Variants in DZIP3 observed in about 807,000 individuals in gnomAD.
The protein encoded by DZIP3 is E3 ubiquitin-protein ligase DZIP3.
Under a neutral mutation model 162.0 loss-of-function variants are expected in DZIP3, and 118 were observed. The observed-to-expected ratio is 0.73, with a 90% confidence interval of 0.63 to 0.85. The LOEUF (loss-of-function observed/expected upper bound fraction) is 0.85, where lower values mean the gene tolerates loss of function less well. Ranked by LOEUF, DZIP3 falls within the 40% of genes least tolerant of loss-of-function variation. The pLI is 0.00. For missense variants in DZIP3, 1,331 were observed against 1,407.0 expected, an observed-to-expected ratio of 0.95 and a Z score of 0.86; for synonymous variants, 438 against 458.6, an observed-to-expected ratio of 0.96 and a Z score of 0.57.
At chr3:108,648,778 T>C in intron 16 of DZIP3, 140 bp from the exon 17 acceptor site, 1 of 386,448 alleles carries the variant, frequency 2.6e-6, no homozygotes, top group East Asian at 1.3e-4. Context: ...ACAAAAATAA[T>C]TGTTTCCATA....
chr3:108,601,678 G>A (rs1940026530), intron 1 of DZIP3, among the ~76,000 whole-genome samples: 1 of 152,120 alleles, frequency 6.6e-6, no homozygotes, highest in Non-Finnish European at 1.5e-5. Flanking sequence ...TCTTGGCCAG[G>A]TATTTTTGAA....
chr3:108,634,686 A>G (rs761017846), intron 9 of DZIP3, among the ~76,000 whole-genome samples, 185 bp from the exon 10 acceptor site: 1 of 151,946 alleles, frequency 6.6e-6, no homozygotes, highest in Non-Finnish European at 1.5e-5. Flanking sequence ...TAATTTTCCT[A>G]TCTTTAGTGA....
intron 18 of DZIP3, among the ~76,000 whole-genome samples, chr3:108,652,529 C>G (rs1942910378): frequency 6.6e-6 from 1 of 151,886 alleles, no homozygotes; most frequent in South Asian, 2.1e-4. Context: ...CTAAAAAATT[C>G]CTATTGCCTA....
At chr3:108,682,372 A>G (rs536073254) in intron 26 of DZIP3, among the ~76,000 whole-genome samples, 11 of 151,146 alleles carry the variant, frequency 7.3e-5, no homozygotes, top group Admixed American at 2.0e-4. Context: ...TGTCATCTAC[A>G]TAAGTGTCCA....
intron 12 of DZIP3, among the ~76,000 whole-genome samples, chr3:108,637,768 C>A (rs1315594921): frequency 6.6e-6 from 1 of 151,978 alleles, no homozygotes; most frequent in Non-Finnish European, 1.5e-5. Context: ...GAATACTTTC[C>A]CATTAAATAT....
At chr3:108,682,462 G>A (rs190216869) in intron 26 of DZIP3, among the ~76,000 whole-genome samples, 1 of 151,038 alleles carries the variant, frequency 6.6e-6, no homozygotes, top group African/African-American at 2.5e-5. Flanking sequence ...CCTGTCATTT[G>A]TGACAACATG....
intron 7 of DZIP3, 60 bp from the exon 8 acceptor site, chr3:108,629,001 TG>T: frequency 4.9e-6 from 5 of 1,015,420 alleles, no homozygotes; most frequent in Non-Finnish European, 2.9e-6. Flanking sequence ...GTTGTCTCAT[TG>T]GTAAACCATG....
chr3:108,678,058 C>G (rs1944174955), intron 26 of DZIP3, among the ~76,000 whole-genome samples: 1 of 151,922 alleles, frequency 6.6e-6, no homozygotes, highest in Non-Finnish European at 1.5e-5. Flanking sequence ...GCTCTGCATC[C>G]TGTCAAATCA....
chr3:108,650,266 A>G (rs776493872), intron 17 of DZIP3, among the ~76,000 whole-genome samples: 8 of 151,834 alleles, frequency 5.3e-5, no homozygotes, highest in Admixed American at 1.3e-4. Context: ...TATTGTGAAC[A>G]ACCAAAAGTC....
intron 5 of DZIP3, among the ~76,000 whole-genome samples, chr3:108,623,570 GTC>G (rs1941465139): frequency 2.6e-5 from 4 of 152,312 alleles, no homozygotes; most frequent in Admixed American, 1.3e-4. Context: ...GAGGGAAGGT[GTC>G]TCTCCCAGAC....
intron 27 of DZIP3, 116 bp from the exon 28 acceptor site, chr3:108,686,327 CTG>C (rs1944496527): frequency 1.1e-6 from 1 of 948,756 alleles, no homozygotes; most frequent in Non-Finnish European, 1.5e-6. Context: ...AAGAGAAAAA[CTG>C]TAAAAATTGA....
intron 9 of DZIP3, 71 bp from the exon 10 acceptor site, chr3:108,634,800 C>T (rs1942061604): frequency 2.6e-6 from 2 of 777,296 alleles, no homozygotes; most frequent in Non-Finnish European, 3.8e-6. Flanking sequence ...TTTAAAGTGA[C>T]AATATAATTT....
chr3:108,691,298 G>A (rs1472745339), intron 32 of DZIP3: 1 of 157,928 alleles, frequency 6.3e-6, no homozygotes, highest in African/African-American at 2.4e-5. Context: ...GTAGGAATGG[G>A]TGCAGCACAC....
chr3:108,603,656 A>G (rs1940158669), intron 1 of DZIP3, among the ~76,000 whole-genome samples: 1 of 152,196 alleles, frequency 6.6e-6, no homozygotes, highest in African/African-American at 2.4e-5. Flanking sequence ...GAAATTTAGA[A>G]GGAAATCTCT....
intron 17 of DZIP3, among the ~76,000 whole-genome samples, chr3:108,650,371 GACAGAC>G (rs1200814353): frequency 1.3e-5 from 2 of 151,656 alleles, no homozygotes; most frequent in Non-Finnish European, 3.0e-5. Flanking sequence ...TAAGCATAAG[GACAGAC>G]ACTGAAACAC....
At chr3:108,654,440 T>A in intron 19 of DZIP3, 130 bp downstream of exon 19, 1 of 1,051,136 alleles carries the variant, frequency 9.5e-7, no homozygotes, top group Non-Finnish European at 1.4e-6. Context: ...GAGAAAAGCA[T>A]AAAAGGTAAG....
upstream of DZIP3, chr3:108,589,612 T>A (rs1939259546): frequency 2.6e-6 from 1 of 385,366 alleles, no homozygotes. Context: ...CTGCCCCCGC[T>A]AACCCACCCT....
At chr3:108,667,818 G>C (rs942810210) in intron 21 of DZIP3, among the ~76,000 whole-genome samples, 1 of 152,012 alleles carries the variant, frequency 6.6e-6, no homozygotes, top group African/African-American at 2.4e-5. Context: ...TTTGATTGTT[G>C]TGATAAGGAA....
chr3:108,612,395 TG>T (rs1375956146), intron 4 of DZIP3, among the ~76,000 whole-genome samples: 1 of 152,188 alleles, frequency 6.6e-6, no homozygotes, highest in Non-Finnish European at 1.5e-5. Context: ...AAGTGAATTC[TG>T]GCTAGAAATT....
Sources: allele counts gnomAD v4.1 joint callset (sites outside exome capture counted in the v4.1 genomes callset), GRCh38; gene constraint gnomAD v4.1.1; transcripts MANE v1.5; gene names NCBI Gene and HGNC (gene_info 2026-07-23, HGNC 2026-07-21).